Variants in NRG1 observed in about 807,000 individuals in gnomAD.
NRG1 encodes the protein pro-neuregulin-1, membrane-bound isoform.
In NRG1, 18 loss-of-function variants were observed where a neutral mutation model predicts 63.8. The observed-to-expected ratio is 0.28, with a 90% CI of 0.19 to 0.42. The LOEUF (loss-of-function observed/expected upper bound fraction) is 0.42, where lower values mean the gene tolerates loss of function less well. Ranked by LOEUF, NRG1 falls within the 10% of genes least tolerant of loss-of-function variation. The pLI, the probability that NRG1 is intolerant of heterozygous loss-of-function variation, is 1.00. For synonymous variants in NRG1, 302 were observed against 301.3 expected (o/e 1.00, Z -0.02); for missense variants, 762 against 814.7 (o/e 0.94, Z 0.79).
chr8:31,853,699 A>T (rs1031936434), intron 1 of NRG1, among the ~76,000 whole-genome samples: 1 of 150,736 alleles, frequency 6.6e-6, no homozygotes, highest in African/African-American at 2.4e-5. Flanking sequence ...CAGTTTTCAA[A>T]GGGAATGCTT....
At chr8:32,546,305 C>CT (rs11424377), upstream of NRG1, among the ~76,000 whole-genome samples, 74,122 of 145,746 alleles carry the variant, frequency 0.51, 18,463 homozygotes, top group East Asian at 0.77. Flanking sequence ...GGATTTTGAG[C>CT]TTCTTTTTTT....
chr8:32,000,557 A>G (rs933364056), intron 1 of NRG1, among the ~76,000 whole-genome samples: 1 of 151,886 alleles, frequency 6.6e-6, no homozygotes, highest in Admixed American at 6.6e-5. Context: ...CTGAGCCACC[A>G]TGCACAGACT....
chr8:32,221,005 C>T (rs1845756788), intron 1 of NRG1: 1 of 152,156 alleles, frequency 6.6e-6, no homozygotes, highest in Admixed American at 6.6e-5. Context: ...TGAGATTTAT[C>T]CGTAAACGAG....
intron 1 of NRG1, among the ~76,000 whole-genome samples, chr8:32,563,064 C>T (rs1053229975): frequency 1.3e-5 from 2 of 152,166 alleles, no homozygotes; most frequent in Admixed American, 6.5e-5. Flanking sequence ...CATCCTAGGA[C>T]AGCTTTGAAT....
chr8:32,448,658 C>T (rs924513441), intron 1 of NRG1, among the ~76,000 whole-genome samples: 5 of 149,414 alleles, frequency 3.3e-5, no homozygotes, highest in South Asian at 2.1e-4. Flanking sequence ...CCACATCCTA[C>T]GTCAATTAGC....
At chr8:31,802,277 G>A (rs1164763729) in intron 1 of NRG1, among the ~76,000 whole-genome samples, 2 of 152,024 alleles carry the variant, frequency 1.3e-5, no homozygotes, top group Non-Finnish European at 2.9e-5. Context: ...TCCTTTTTCT[G>A]ACTTTACTTC....
chr8:31,679,728 G>C (rs933118372), intron 1 of NRG1, among the ~76,000 whole-genome samples: 1 of 151,926 alleles, frequency 6.6e-6, no homozygotes, highest in Non-Finnish European at 1.5e-5. Flanking sequence ...AATACAATAA[G>C]AAAAAGAAGA....
intron 1 of NRG1, among the ~76,000 whole-genome samples, chr8:32,089,502 C>T (rs997417832): frequency 3.3e-5 from 5 of 152,032 alleles, no homozygotes; most frequent in African/African-American, 7.3e-5. Context: ...TTATTTCAAA[C>T]GGAAAATTTT....
At chr8:31,650,987 C>T (rs928534489) in intron 1 of NRG1, among the ~76,000 whole-genome samples, 8 of 152,156 alleles carry the variant, frequency 5.3e-5, no homozygotes, top group Non-Finnish European at 1.5e-5. Flanking sequence ...GTATTTGGTC[C>T]TCAGAAATGA....
chr8:32,003,998 T>C (rs1166257327), intron 1 of NRG1, among the ~76,000 whole-genome samples: 3 of 152,028 alleles, frequency 2.0e-5, no homozygotes, highest in Non-Finnish European at 4.4e-5. Context: ...TAAGATGTGC[T>C]TTGAAAATAC....
intron 1 of NRG1, among the ~76,000 whole-genome samples, chr8:31,855,135 G>A (rs944838652): frequency 6.6e-5 from 10 of 152,010 alleles, no homozygotes; most frequent in African/African-American, 2.2e-4. Context: ...GGTCTGCTTG[G>A]TGCAGAGCTG....
chr8:31,868,633 G>C (rs887594284), intron 1 of NRG1, among the ~76,000 whole-genome samples: 1 of 152,016 alleles, frequency 6.6e-6, no homozygotes, highest in Non-Finnish European at 1.5e-5. Context: ...AAATGTATTC[G>C]CTCTTCTTTA....
At chr8:32,562,776 G>A (rs1000692493) in intron 1 of NRG1, among the ~76,000 whole-genome samples, 5 of 152,134 alleles carry the variant, frequency 3.3e-5, no homozygotes, top group African/African-American at 1.2e-4. Context: ...ACCATGTACT[G>A]GCATGGAAAG....
At chr8:32,197,271 C>G (rs78470404) in intron 1 of NRG1, among the ~76,000 whole-genome samples, 6,378 of 152,198 alleles carry the variant, frequency 0.042, 202 homozygotes, top group Middle Eastern at 0.092. Flanking sequence ...CTAGAACATT[C>G]TTTCTTGGAA....
chr8:32,292,250 C>T (rs1454410469), intron 1 of NRG1, among the ~76,000 whole-genome samples: 2 of 152,192 alleles, frequency 1.3e-5, no homozygotes, highest in Non-Finnish European at 2.9e-5. Flanking sequence ...TCAATCCTTT[C>T]AAAAGGCTTT....
intron 1 of NRG1, among the ~76,000 whole-genome samples, chr8:31,779,106 T>C (rs1339845048): frequency 6.6e-6 from 1 of 152,178 alleles, no homozygotes; most frequent in African/African-American, 2.4e-5. Flanking sequence ...CAGTGTTGAC[T>C]TTTCTTTTCA....
chr8:32,519,683 G>C (rs368766131), intron 1 of NRG1, among the ~76,000 whole-genome samples: 4 of 152,042 alleles, frequency 2.6e-5, no homozygotes, highest in African/African-American at 9.7e-5. Context: ...AGGTCACCCA[G>C]CGTACTCTTT....
chr8:31,862,942 C>G (rs1233500010), intron 1 of NRG1, among the ~76,000 whole-genome samples: 2 of 152,210 alleles, frequency 1.3e-5, no homozygotes, highest in Admixed American at 1.3e-4. Context: ...TCTATTATAT[C>G]TGCACAGTTC....
chr8:32,339,973 T>C (rs1803848610), intron 1 of NRG1, among the ~76,000 whole-genome samples: 1 of 152,116 alleles, frequency 6.6e-6, no homozygotes, highest in African/African-American at 2.4e-5. Flanking sequence ...TACTGGCTTT[T>C]AGAGGTCAGA....
Sources: gnomAD v4.1 joint callset for allele counts (sites outside exome capture counted in the v4.1 genomes callset) on GRCh38, gnomAD v4.1.1 for gene constraint, MANE v1.5 for transcripts, NCBI Gene and HGNC (gene_info 2026-07-23, HGNC 2026-07-21) for gene names.